MYH8: variants seen among roughly 807,000 people sequenced by gnomAD.
The protein encoded by MYH8 is myosin heavy chain 8.
Under a neutral mutation model 233.2 loss-of-function variants are expected in MYH8, and 168 were observed. The ratio of observed to expected loss-of-function variants is 0.72; its 90% CI spans 0.64 to 0.82. The LOEUF (loss-of-function observed/expected upper bound fraction) is 0.82, where lower values mean the gene tolerates loss of function less well. Among genes scored for constraint, MYH8 ranks in the 40% least tolerant of loss-of-function variants. MYH8 has a pLI of 0.00. For synonymous variants in MYH8, 785 were observed against 850.6 expected (o/e 0.92, Z 1.34); for missense variants, 1,995 against 2,327.8 (o/e 0.86, Z 2.94).
At position 10,394,250 on chromosome 17, in the gene MYH8, T is replaced by C; in HGVS notation, c.5165A>G (p.Gln1722Arg). 6.2e-7 allele frequency: 1 copy of C among 1,613,894 alleles called. No homozygotes were observed. The highest frequency in any genetic ancestry group is 8.5e-7 in the Non-Finnish European group (1 of 1,179,870). ...ATTTGTTTGATGTGAGGGTCTCACC[T>C]GGGTGTGGAGGAGCTGGACACGCTC... is the stretch of plus-strand genomic sequence containing the variant. ...ASERVQLLHT[Q>R]NTSLINTKKK... Residue 1722 changes from glutamine to arginine, a missense_variant and splice_region_variant, in exon 35 of 40, where the codon CAG becomes CGG. Around this residue, in one of 3 missense-constraint regions of MYH8, gnomAD observed 1,498 missense variants for 1,680.9 expected, o/e 0.89. Coordinates refer to ENST00000403437, the MANE Select transcript of MYH8 (RefSeq NM_002472.3).
At position 10,417,706 on chromosome 17, in the gene MYH8, G is replaced by C. The variant is rs995370497; in HGVS notation, c.511+939C>G. ...AAACCTCTGAAATGAGCCAGCGTTT[G>C]GATAATTTCTGGGAGGTAGTTAGCT... On this transcript the variant is annotated intron_variant, in intron 5 of 39. Transcript: ENST00000403437. The surrounding 1 kb of genome is among the most constrained non-coding windows in gnomAD (Gnocchi z 4.1). Among the ~76,000 whole-genome samples, 1 of 152,138 alleles carries C rather than the reference G, an allele frequency of 6.6e-6. No homozygotes were observed.
At chr17:10,401,925 T>A in intron 22 of MYH8, 140 bp from the exon 23 acceptor site, 5 of 1,233,324 alleles carry the variant, frequency 4.1e-6, no homozygotes, top group Non-Finnish European at 5.8e-6. Flanking sequence ...AATCGAACAT[T>A]ATTACATGGT....
chr17:10,391,741 A>G, intron 39 of MYH8, 141 bp downstream of exon 39: 1 of 730,670 alleles, frequency 1.4e-6, no homozygotes, highest in East Asian at 2.6e-5. Context: ...TGGCGGGACA[A>G]ATTCATATTT....
rs752671019 is a variant in MYH8, at chr17:10,400,735, C to T, written c.3390G>A (p.Ala1130=). The T allele has an allele frequency of 6.2e-7, 1 of 1,614,198 alleles. No homozygotes were observed. The highest frequency in any genetic ancestry group is 1.1e-5 in the South Asian group (1 of 91,084). ...GCTGCTTCTCCGCTTTGGCTCGGGA[C>T]GCCCTCTCTGCCTCGATTTCTTCCC... The part of the protein sequence containing the change: ...ELGEEIEAER[A]SRAKAEKQRS... Residue 1130 remains alanine, a synonymous_variant, in exon 27 of 40, where the codon GCG becomes GCA. Transcript: ENST00000403437. The surrounding 1 kb of genome is among the most constrained non-coding windows in gnomAD (Gnocchi z 4.0).
Position 10,404,440 on chromosome 17 carries a change from G to A in MYH8, c.2578C>T (p.Gln860Ter), listed in dbSNP as rs543847124. 17 of 1,613,746 alleles carry A rather than the reference G, an allele frequency of 1.1e-5. No homozygotes were observed. The African/African-American group carries it at 1.7e-4, about 16-fold the overall frequency. ...TTGGCGAGTTCATCTTTGGTTTTCTGGAATTCTTCCTTCATGGTGGCCATC... is the reference window on the plus strand; with the variant it reads ...TTGGCGAGTTCATCTTTGGTTTTCTAGAATTCTTCCTTCATGGTGGCCATC... ...KEMATMKEEF[Q>*]KTKDELAKSE... Residue 860 changes from glutamine to a stop codon, truncating the protein, a stop_gained, in exon 22 of 40, where the codon CAG (glutamine) becomes TAG (stop). Coordinates refer to ENST00000403437, the MANE Select transcript of MYH8 (RefSeq NM_002472.3). LOFTEE classifies it high-confidence loss of function.
chr17:10,393,908 A>G (rs573178339), intron 35 of MYH8, among the ~76,000 whole-genome samples: 3 of 149,102 alleles, frequency 2.0e-5, no homozygotes, highest in African/African-American at 4.9e-5. Context: ...GGCAACAGGT[A>G]TCTTTACTCA....
chr17:10,406,925 G>A lies in MYH8; in HGVS notation c.2020C>T (p.Arg674Trp), dbSNP rs762523289. 6.2e-6 allele frequency: 10 copies of A among 1,613,802 alleles called. No individual in the cohort carries two copies. In the African/African-American group the frequency reaches 9.3e-5, roughly 15 times the overall value. The change falls in exon 18 of 40, where the codon CGG (arginine) becomes TGG (tryptophan). Residue 674 changes from arginine to tryptophan, a missense_variant. By Grantham distance (101) the Arg-to-Trp change is moderately radical (BLOSUM62 -3). This residue lies in a region of MYH8 where 1,498 missense variants were observed against 1,680.9 expected (regional missense o/e 0.89). Transcript: ENST00000403437. ...NLRSTHPHFV[R>W]CIIPNETKTP... is the part of the protein sequence containing the mutation. ...TTGGTTTCATTGGGAATGATACACC[G>A]TACGAAGTGAGGGTGTGTGCTCCTC...
intron 17 of MYH8, among the ~76,000 whole-genome samples, chr17:10,408,249 AT>A (rs906510140): frequency 6.6e-5 from 10 of 151,964 alleles, no homozygotes; most frequent in Non-Finnish European, 1.5e-4. Flanking sequence ...AAGAAGGCAG[AT>A]TTTTTTTCCC....
chr17:10,410,707 T>C, intron 15 of MYH8, 70 bp downstream of exon 15: 2 of 1,610,240 alleles, frequency 1.2e-6, no homozygotes, highest in Non-Finnish European at 1.7e-6. Context: ...ACAGTAATAC[T>C]TTCTAGAATT....
chr17:10,411,027 G>T, intron 14 of MYH8, 80 bp from the exon 15 acceptor site: 1 of 1,603,544 alleles, frequency 6.2e-7, no homozygotes, highest in South Asian at 1.1e-5. Flanking sequence ...TTCTTTTATT[G>T]AAAAAATGTG....
rs766273711 is a variant in MYH8 at position 10,414,203 on chromosome 17, T to A, written c.997A>T (p.Met333Leu). Reference sequence around the variant, plus strand: ...TGTTTTTGACTTACATCAGTGGCCATCAACTCTTCTTGGTCATCAATACTG... The same window carrying A: ...TGTTTTTGACTTACATCAGTGGCCAACAACTCTTCTTGGTCATCAATACTG... ...VPSIDDQEEL[M>L]ATDSAIDILG... The change falls in exon 11 of 40, where the codon ATG (methionine) becomes TTG (leucine). Residue 333 changes from methionine (M) to leucine (L), a missense_variant. Physicochemically the swap from Met to Leu is conservative, Grantham distance 15 (BLOSUM62 2). Transcript: ENST00000403437. The A allele has an allele frequency of 5.6e-6, 9 of 1,614,076 alleles. No individual in the cohort carries two copies. Among genetic ancestry groups the A allele is most frequent in the South Asian group, 2.2e-5 (2 of 91,078 alleles).
intron 5 of MYH8, among the ~76,000 whole-genome samples, chr17:10,418,397 C>G (rs1567690553): frequency 6.6e-6 from 1 of 152,182 alleles, no homozygotes; most frequent in Non-Finnish European, 1.5e-5. Context: ...AGCTAGGCTT[C>G]CACTTAACTA....
At chr17:10,407,106 T>C in intron 17 of MYH8, 127 bp from the exon 18 acceptor site, 1 of 776,714 alleles carries the variant, frequency 1.3e-6, no homozygotes, top group South Asian at 1.5e-5. Context: ...TCAATTGCTC[T>C]GTATTTTGAG....
chr17:10,420,700 C>A (rs1227746387), intron 2 of MYH8, among the ~76,000 whole-genome samples: 2 of 152,152 alleles, frequency 1.3e-5, no homozygotes, highest in African/African-American at 4.8e-5. Flanking sequence ...ATCAAAAAAT[C>A]TTTGCCTTTT....
At position 10,420,275 on chromosome 17, in the gene MYH8, G is replaced by C; in HGVS notation, c.-30-18C>G. ...GATTCTGCCTAGGGAGGAGAGAAACGGGAGAGAGAGATATAAAAAGCAGAA... is the reference window on the plus strand; with the variant it reads ...GATTCTGCCTAGGGAGGAGAGAAACCGGAGAGAGAGATATAAAAAGCAGAA... On this transcript the variant is annotated intron_variant, in intron 2 of 39. Transcript: ENST00000403437. The C allele has an allele frequency of 6.3e-7, 1 of 1,590,276 alleles. No individual in the cohort carries two copies. Among genetic ancestry groups the C allele is most frequent in the Non-Finnish European group, 8.6e-7 (1 of 1,161,286 alleles).
In MYH8 at chr17:10,395,123, A is replaced by G. The variant is rs749401636; in HGVS notation, c.4962+10T>C. The G allele has an allele frequency of 9.3e-6, 15 of 1,612,534 alleles. No individual in the cohort carries two copies. The East Asian group carries it at 1.6e-4, about 17-fold the overall frequency. On this transcript the variant is annotated intron_variant, in intron 34 of 39. Coordinates refer to ENST00000403437, the MANE Select transcript of MYH8 (RefSeq NM_002472.3). The stretch of plus-strand genomic sequence containing the variant: ...TGCTTCATCTGGGAGGCGAATGTGG[A>G]CCCGTTTACCTTCAGGATTCCTTGG...
At chr17:10,408,080 A>G (rs897833281) in intron 17 of MYH8, among the ~76,000 whole-genome samples, 8 of 151,526 alleles carry the variant, frequency 5.3e-5, no homozygotes, top group African/African-American at 1.9e-4. Context: ...AGCTGGGACT[A>G]TAGGCGTGCA....
chr17:10,401,928 T>A, intron 22 of MYH8, 143 bp from the exon 23 acceptor site: 1 of 1,230,050 alleles, frequency 8.1e-7, no homozygotes, highest in Non-Finnish European at 1.2e-6. Flanking sequence ...CGAACATTAT[T>A]ACATGGTCTG....
Position 10,395,347 on chromosome 17 carries a change from T to C in MYH8, c.4748A>G (p.Asp1583Gly). The change falls in exon 34 of 40, where the codon GAT becomes GGT. Residue 1583 changes from aspartate to glycine, a missense_variant. Coordinates refer to ENST00000403437, the MANE Select transcript of MYH8 (RefSeq NM_002472.3). Reference sequence around the variant, plus strand: ...TCTCTTCAGCTGGTCAATTTCCTCATCCTTTTCTGCGATTTTTCTATCAAC... The same window carrying C: ...TCTCTTCAGCTGGTCAATTTCCTCACCCTTTTCTGCGATTTTTCTATCAAC... ...SEVDRKIAEK[D>G]EEIDQLKRNH... 1 of 1,614,174 alleles carries C rather than the reference T, an allele frequency of 6.2e-7. No homozygotes were observed. The highest frequency in any genetic ancestry group is 8.5e-7 in the Non-Finnish European group (1 of 1,180,018).
Sources: allele counts gnomAD v4.1 joint callset (sites outside exome capture counted in the v4.1 genomes callset), GRCh38; gene constraint gnomAD v4.1.1; regional missense constraint gnomAD v4.1.1; non-coding constraint Gnocchi (gnomAD v3.1); transcripts MANE v1.5; gene names NCBI Gene and HGNC (gene_info 2026-07-23, HGNC 2026-07-21).